The following IFT80 variants were observed in gnomAD, a reference collection of about 807,000 sequenced individuals.
The protein encoded by IFT80 is intraflagellar transport 80.
A neutral mutation model predicts 107.9 loss-of-function variants in IFT80; 79 were observed. The observed-to-expected ratio is 0.73, with a 90% confidence interval of 0.61 to 0.88. IFT80 has a LOEUF of 0.88. Ranked by LOEUF, IFT80 falls within the 40% of genes least tolerant of loss-of-function variation. The pLI is 0.00. For missense variants in IFT80, 797 were observed against 914.2 expected, an observed-to-expected ratio of 0.87 and a Z score of 1.65; for synonymous variants, 299 against 300.9, an observed-to-expected ratio of 0.99 and a Z score of 0.07.
chr3:160,316,332 T>A (rs1717816189), intron 9 of IFT80, among the ~76,000 whole-genome samples: 1 of 152,096 alleles, frequency 6.6e-6, no homozygotes, highest in Non-Finnish European at 1.5e-5. Flanking sequence ...TGAAAGCAAA[T>A]CTTTCCCCAG....
At chr3:160,351,531 A>AATATATATATACACATATATTATATGT (rs1559955201) in intron 8 of IFT80, among the ~76,000 whole-genome samples, 26 of 147,098 alleles carry the variant, frequency 1.8e-4, no homozygotes, top group East Asian at 1.6e-3. Context: ...GATTTGAACA[A>AATATATATATACACATATATTATATGT]ATATATATAT....
In IFT80 at chr3:160,268,550, T is replaced by C. The variant is rs931581142; in HGVS notation, c.2100-14A>G. 1.2e-6 allele frequency: 2 copies of C among 1,611,572 alleles called. No individual in the cohort carries two copies. The highest frequency in any genetic ancestry group is 1.7e-6 in the Non-Finnish European group (2 of 1,178,038). ...AATTCCAGTGCCCTATAATGAGAAA[T>C]AAAACAGATTATTAACATTGTTTGT... On this transcript the variant is annotated splice_polypyrimidine_tract_variant and intron_variant, in intron 18 of 19. Transcript: ENST00000326448.
At chr3:160,326,691 T>C (rs1412693586) in intron 8 of IFT80, among the ~76,000 whole-genome samples, 1 of 152,042 alleles carries the variant, frequency 6.6e-6, no homozygotes, top group Non-Finnish European at 1.5e-5. Flanking sequence ...GAGCCATATA[T>C]GACAAACTTA....
chr3:160,390,748 C>T (rs1221493101), intron 1 of IFT80, among the ~76,000 whole-genome samples: 1 of 152,136 alleles, frequency 6.6e-6, no homozygotes, highest in African/African-American at 2.4e-5. Context: ...CCACACAAGG[C>T]ATTAATAATA....
rs770381973 is a variant in IFT80, at chr3:160,277,374, T to G, written c.2031A>C (p.Ile677=). The G allele has an allele frequency of 3.7e-6, 6 of 1,613,728 alleles. No individual in the cohort carries two copies. Among genetic ancestry groups the G allele is most frequent in the Non-Finnish European group, 5.1e-6 (6 of 1,179,782 alleles). The part of the protein sequence containing the change: ...LFSGNIQEAE[I]VLLQAGLVYQ... ...AAACAAGGCCAGCCTGAAGAAGTAC[T>G]ATTTCAGCCTCCTGTATGTTCCCAC... The change falls in exon 18 of 20, where the codon ATA becomes ATC. Residue 677 remains isoleucine, a synonymous_variant. Transcript: ENST00000326448.
Position 160,280,710 on chromosome 3 carries a change from C to T in IFT80, c.1621G>A (p.Asp541Asn). Residue 541 changes from aspartate to asparagine, a missense_variant, in exon 15 of 20, where the codon GAC (aspartate) becomes AAC (asparagine). Transcript: ENST00000326448. ...AATGTTTTAGGCAAAATGTCTCTGT[C>T]CACATAAACTGTATTGGGGTAATAC... ...VWYYPNTVYVDRDILPKTLYE... is the reference protein window; with the variant it reads ...VWYYPNTVYVNRDILPKTLYE... 6.2e-7 allele frequency: 1 copy of T among 1,612,898 alleles called. No homozygotes were observed. Among genetic ancestry groups the T allele is most frequent in the Non-Finnish European group, 8.5e-7 (1 of 1,179,116 alleles).
intron 8 of IFT80, among the ~76,000 whole-genome samples, chr3:160,328,003 A>G (rs1718796249): frequency 6.6e-6 from 1 of 152,066 alleles, no homozygotes; most frequent in Non-Finnish European, 1.5e-5. Context: ...AAAACAAACA[A>G]CCGCATTAAA....
rs146836202 is a variant in IFT80 at position 160,275,735 on chromosome 3, A to G, written c.2099+1571T>C. 2.1e-3 allele frequency among the ~76,000 whole-genome samples: 322 copies of G among 152,292 alleles called. 1 individual carries two copies. In the East Asian group the frequency reaches 0.027, roughly 13 times the overall value. On this transcript the variant is annotated intron_variant, in intron 18 of 19. Transcript: ENST00000326448. ...ACATATTTTTTCAAAAACACTGGTC[A>G]AAAGAATGCTATAAACACAATTCTT...
At chr3:160,326,379 A>G (rs1434813177) in intron 8 of IFT80, among the ~76,000 whole-genome samples, 1 of 152,122 alleles carries the variant, frequency 6.6e-6, no homozygotes, top group Non-Finnish European at 1.5e-5. Flanking sequence ...CAAAAAAAGA[A>G]AACTTCAGGC....
intron 12 of IFT80, among the ~76,000 whole-genome samples, chr3:160,287,158 T>G (rs1715154935): frequency 1.3e-5 from 2 of 152,122 alleles, no homozygotes; most frequent in Admixed American, 6.5e-5. Flanking sequence ...GCTGGGAAGG[T>G]GATGTGTCCT....
At position 160,356,137 on chromosome 3, in the gene IFT80, T is replaced by C. The variant is rs1721072950; in HGVS notation, c.653A>G (p.Tyr218Cys). ...EDCKYKVWDS[Y>C]GRPLYNSQPH... ...TTGTGAATTGTACAGTGGGCGGCCG[T>C]AACTATCCCATACCTACAAAAGCAA... The change falls in exon 8 of 20, where the codon TAC becomes TGC. Residue 218 changes from tyrosine (Y) to cysteine (C), a missense_variant. Physicochemically the swap from Tyr to Cys is radical, Grantham distance 194 (BLOSUM62 -2). Transcript: ENST00000326448. 3 of 1,614,058 alleles carry C rather than the reference T, an allele frequency of 1.9e-6. No homozygotes were observed. Among genetic ancestry groups the C allele is most frequent in the Non-Finnish European group, 8.5e-7 (1 of 1,179,928 alleles).
intron 4 of IFT80, 82 bp from the exon 5 acceptor site, chr3:160,375,962 C>T: frequency 2.4e-6 from 2 of 837,516 alleles, no homozygotes; most frequent in Non-Finnish European, 2.0e-6. Context: ...TAAGAATCAA[C>T]AGTATCTACC....
chr3:160,301,105 C>A, intron 11 of IFT80, 59 bp from the exon 12 acceptor site: 1 of 1,409,192 alleles, frequency 7.1e-7, no homozygotes, highest in East Asian at 2.4e-5. Flanking sequence ...TTTTTGTTTT[C>A]ATATTACAGA....
intron 18 of IFT80, among the ~76,000 whole-genome samples, chr3:160,276,089 C>G (rs933407870): frequency 3.9e-5 from 6 of 151,968 alleles, no homozygotes; most frequent in African/African-American, 1.5e-4. Context: ...AGGCTGGTCT[C>G]AAACTCCTGA....
chr3:160,260,698 G>A (rs1406000333), intron 19 of IFT80, among the ~76,000 whole-genome samples: 2 of 152,160 alleles, frequency 1.3e-5, no homozygotes, highest in Non-Finnish European at 2.9e-5. Context: ...TCTGATAGTT[G>A]TCAAGTGATT....
chr3:160,278,915 G>C (rs556283669), intron 16 of IFT80, among the ~76,000 whole-genome samples: 1 of 152,118 alleles, frequency 6.6e-6, no homozygotes, highest in African/African-American at 2.4e-5. Flanking sequence ...GAATCTCTAC[G>C]GGAGTAGAAC....
intron 8 of IFT80, among the ~76,000 whole-genome samples, chr3:160,354,092 T>C (rs568982459): frequency 2.6e-5 from 4 of 152,258 alleles, no homozygotes; most frequent in South Asian, 2.1e-4. Flanking sequence ...AAAAATAATA[T>C]ACATGAAACT....
At chr3:160,272,956 G>A (rs775247290) in intron 18 of IFT80, among the ~76,000 whole-genome samples, 26 of 152,124 alleles carry the variant, frequency 1.7e-4, no homozygotes, top group Non-Finnish European at 3.7e-4. Context: ...CTGTGCATAG[G>A]TTATATGTAA....
In IFT80 at chr3:160,270,197, C is replaced by T. The variant is rs191998330; in HGVS notation, c.2100-1661G>A. On this transcript the variant is annotated intron_variant, in intron 18 of 19. Transcript: ENST00000326448. ...TGTATTTTTAGTAGAGACGTGGTTT[C>T]ACCACATTGGCCAGGCTGGTCTTCA... Among the ~76,000 whole-genome samples the T allele has an allele frequency of 2.3e-3, 349 of 152,340 alleles. 3 individuals carry two copies. The highest frequency in any genetic ancestry group is 7.7e-3 in the African/African-American group (322 of 41,582).
Sources: gnomAD v4.1 joint callset for allele counts (sites outside exome capture counted in the v4.1 genomes callset) on GRCh38, gnomAD v4.1.1 for gene constraint, MANE v1.5 for transcripts, NCBI Gene and HGNC (gene_info 2026-07-23, HGNC 2026-07-21) for gene names.